The following NRCAM variants were observed in gnomAD, a reference collection of about 807,000 sequenced individuals.
NRCAM encodes neuronal cell adhesion molecule, also known as NgCAM-related cell adhesion molecule.
A neutral mutation model predicts 156.5 loss-of-function variants in NRCAM; 83 were observed. The ratio of observed to expected loss-of-function variants is 0.53; its 90% CI spans 0.44 to 0.64. The LOEUF (loss-of-function observed/expected upper bound fraction) is 0.64, where lower values mean the gene tolerates loss of function less well. Among genes scored for constraint, NRCAM ranks in the 30% least tolerant of loss-of-function variants. NRCAM has a pLI of 0.00. For synonymous variants in NRCAM, 538 were observed against 563.9 expected (o/e 0.95, Z 0.65); for missense variants, 1,417 against 1,597.3 (o/e 0.89, Z 1.92).
intron 2 of NRCAM, among the ~76,000 whole-genome samples, chr7:108,376,123 G>A (rs931742671): frequency 6.6e-6 from 1 of 152,122 alleles, no homozygotes; most frequent in Non-Finnish European, 1.5e-5. Context: ...CTTCAACTTT[G>A]GATATAATCT....
chr7:108,156,631 C>G (rs537632400), intron 32 of NRCAM: 1 of 152,858 alleles, frequency 6.5e-6, no homozygotes, highest in Non-Finnish European at 1.5e-5. Context: ...CATGTAGAAA[C>G]GGTTTCATCA....
chr7:108,202,041 T>C (rs1215838875), intron 13 of NRCAM, among the ~76,000 whole-genome samples: 2 of 152,300 alleles, frequency 1.3e-5, no homozygotes, highest in Non-Finnish European at 2.9e-5. Context: ...GGCTGGCTAG[T>C]GGGTAGAGTA....
chr7:108,160,351 T>C lies in NRCAM; in HGVS notation c.3598+10A>G. 1 of 1,611,556 alleles carries C rather than the reference T, an allele frequency of 6.2e-7. No homozygotes were observed. The highest frequency in any genetic ancestry group is 8.5e-7 in the Non-Finnish European group (1 of 1,178,320). ...AGCATTATAAAGCAATTTTAATCTT[T>C]CTTTCTTACCTGGATATTTACCACC... On this transcript the variant is annotated intron_variant, in intron 31 of 32. Transcript: ENST00000379028.
intron 32 of NRCAM, chr7:108,156,288 TAGTA>T: frequency 1.0e-6 from 1 of 985,196 alleles, no homozygotes; most frequent in Non-Finnish European, 1.2e-6. Flanking sequence ...ACCAATTATG[TAGTA>T]AGTTATGAGT....
chr7:108,327,421 T>C (rs767226225), intron 2 of NRCAM, among the ~76,000 whole-genome samples: 5 of 152,160 alleles, frequency 3.3e-5, no homozygotes, highest in Non-Finnish European at 7.4e-5. Context: ...TGAACAGAAA[T>C]AGAAAAACTG....
intron 13 of NRCAM, among the ~76,000 whole-genome samples, chr7:108,204,556 G>C (rs2080010555): frequency 6.6e-6 from 1 of 152,216 alleles, no homozygotes; most frequent in African/African-American, 2.4e-5. Context: ...CAGTACCTTG[G>C]TATAAACATG....
At chr7:108,347,743 C>T (rs916112730) in intron 2 of NRCAM, among the ~76,000 whole-genome samples, 2 of 152,178 alleles carry the variant, frequency 1.3e-5, no homozygotes, top group Admixed American at 1.3e-4. Flanking sequence ...GAGGGCCTTG[C>T]AGAATGTTTT....
intron 1 of NRCAM, among the ~76,000 whole-genome samples, chr7:108,450,572 G>A (rs554447544): frequency 6.6e-6 from 1 of 152,116 alleles, no homozygotes; most frequent in East Asian, 1.9e-4. Flanking sequence ...AGGCAAATTT[G>A]CTCTTGTTCT....
intron 32 of NRCAM, chr7:108,156,247 C>T: frequency 1.0e-6 from 1 of 973,190 alleles, no homozygotes; most frequent in Non-Finnish European, 1.2e-6. Flanking sequence ...CCCATGTTCA[C>T]ATGAATGACA....
At chr7:108,359,793 C>T (rs2154314878) in intron 2 of NRCAM, among the ~76,000 whole-genome samples, 1 of 152,240 alleles carries the variant, frequency 6.6e-6, no homozygotes, top group Non-Finnish European at 1.5e-5. Context: ...ATGTCTGTTA[C>T]CATGTAGCTC....
intron 24 of NRCAM, 133 bp downstream of exon 24, chr7:108,181,689 G>C (rs1354826345): frequency 2.1e-6 from 1 of 472,600 alleles, no homozygotes; most frequent in African/African-American, 2.0e-5. Flanking sequence ...GGCAATGAGC[G>C]AAATGAACTC....
intron 3 of NRCAM, among the ~76,000 whole-genome samples, chr7:108,305,500 A>G (rs1177471743): frequency 6.6e-6 from 1 of 152,160 alleles, no homozygotes; most frequent in African/African-American, 2.4e-5. Flanking sequence ...GCTTTTTGAC[A>G]AAAGTAAATA....
intron 1 of NRCAM, among the ~76,000 whole-genome samples, chr7:108,408,500 C>T (rs1791275678): frequency 6.6e-6 from 1 of 152,182 alleles, no homozygotes; most frequent in African/African-American, 2.4e-5. Context: ...AAAGCTGTCC[C>T]GGAAAATTGG....
chr7:108,357,240 CT>C (rs958384264), intron 2 of NRCAM, among the ~76,000 whole-genome samples: 1 of 151,610 alleles, frequency 6.6e-6, no homozygotes, highest in Admixed American at 6.6e-5. Flanking sequence ...GTTTTATTGT[CT>C]TTTTTTTAAA....
chr7:108,277,986 C>T lies in NRCAM; in HGVS notation c.-107+34679G>A, dbSNP rs561754762. ...TCCTGTTTGTTAGTTTTCCCTCTAA[C>T]AGGCCCCTCCGCTGCAGGTCTGCTG... On this transcript the variant is annotated intron_variant, in intron 3 of 32. Coordinates refer to ENST00000379028, the MANE Select transcript of NRCAM (RefSeq NM_001037132.4). Among the ~76,000 whole-genome samples, 5 of 152,316 alleles carry T rather than the reference C, an allele frequency of 3.3e-5. No individual in the cohort carries two copies. In the East Asian group the frequency reaches 9.7e-4, roughly 29 times the overall value.
chr7:108,386,324 T>C (rs1245409976), intron 2 of NRCAM, among the ~76,000 whole-genome samples: 1 of 152,164 alleles, frequency 6.6e-6, no homozygotes, highest in East Asian at 1.9e-4. Flanking sequence ...GGCACTTCCT[T>C]TTATCTTCCA....
intron 2 of NRCAM, among the ~76,000 whole-genome samples, chr7:108,356,368 C>G: frequency 6.6e-6 from 1 of 152,200 alleles, no homozygotes; most frequent in South Asian, 2.1e-4. Flanking sequence ...TTAAATCTTA[C>G]TATAGGTATT....
rs1234175322 is a variant in NRCAM, at chr7:108,402,295, G to A, written c.-331-2702C>T. 2.6e-5 allele frequency among the ~76,000 whole-genome samples: 4 copies of A among 152,010 alleles called. No individual in the cohort carries two copies. In the East Asian group the frequency reaches 7.7e-4, roughly 29 times the overall value. On this transcript the variant is annotated intron_variant, in intron 1 of 32. Transcript: ENST00000379028. ...ATTGGGTAAATTATTTCTTTTATTTGTACAGCATTGTTATTTACTATAATA... is the reference window on the plus strand; with the variant it reads ...ATTGGGTAAATTATTTCTTTTATTTATACAGCATTGTTATTTACTATAATA...
At chr7:108,225,020 T>C (rs558164808) in intron 10 of NRCAM, among the ~76,000 whole-genome samples, 2 of 152,180 alleles carry the variant, frequency 1.3e-5, no homozygotes, top group Admixed American at 1.3e-4. Context: ...TTTTCATTCA[T>C]AGACTCTACT....
Sources: allele counts gnomAD v4.1 joint callset (sites outside exome capture counted in the v4.1 genomes callset), GRCh38; gene constraint gnomAD v4.1.1; transcripts MANE v1.5; gene names NCBI Gene and HGNC (gene_info 2026-07-23, HGNC 2026-07-21).